The following NKAIN3 variants were observed in gnomAD, a reference collection of about 807,000 sequenced individuals.
NKAIN3 encodes the protein sodium/potassium-transporting ATPase subunit beta-1-interacting protein 3.
In NKAIN3, 25 loss-of-function variants were observed where a neutral mutation model predicts 30.2. The observed-to-expected ratio is 0.83, with a 90% CI of 0.60 to 1.16. The LOEUF (loss-of-function observed/expected upper bound fraction) is 1.16. NKAIN3 is among the 50% of genes most tolerant of loss of function. NKAIN3 has a pLI of 0.00. For missense variants in NKAIN3, 225 were observed against 254.1 expected (o/e 0.89, Z 0.78); for synonymous variants, 91 against 89.6 (o/e 1.02, Z -0.09).
chr8:62,782,971 G>C (rs998237851), intron 4 of NKAIN3, among the ~76,000 whole-genome samples: 4 of 151,840 alleles, frequency 2.6e-5, no homozygotes, highest in African/African-American at 7.3e-5. Flanking sequence ...ACATAGAAAT[G>C]ATACTCAAGG....
chr8:62,698,342 A>G (rs1814228332), intron 3 of NKAIN3, among the ~76,000 whole-genome samples: 1 of 152,198 alleles, frequency 6.6e-6, no homozygotes, highest in South Asian at 2.1e-4. Flanking sequence ...GAAGCATGAT[A>G]GACTTTGAAC....
rs572058252 is a variant in NKAIN3 at position 62,533,434 on chromosome 8, T to C, written c.55-46105T>C. ...AAGGAAGTCTCCTAAATGTATAGTT[T>C]CGCCTGAAGCGGGCTTAGCCCCATG... is the stretch of plus-strand genomic sequence containing the variant. On this transcript the variant is annotated intron_variant, in intron 1 of 6. Transcript: ENST00000623646. 2.6e-5 allele frequency among the ~76,000 whole-genome samples: 4 copies of C among 152,330 alleles called. No individual in the cohort carries two copies. In the East Asian group the frequency reaches 7.7e-4, roughly 29 times the overall value.
intron 4 of NKAIN3, among the ~76,000 whole-genome samples, chr8:62,829,449 G>A (rs765440066): frequency 2.6e-5 from 4 of 152,034 alleles, no homozygotes; most frequent in African/African-American, 9.7e-5. Flanking sequence ...GAAACTTAGT[G>A]AAGAAAAAAA....
At chr8:62,498,517 C>T (rs1034320111) in intron 1 of NKAIN3, among the ~76,000 whole-genome samples, 17 of 151,772 alleles carry the variant, frequency 1.1e-4, no homozygotes, top group African/African-American at 2.7e-4. Context: ...CGCATGTTTT[C>T]GGCCTCTGCT....
chr8:62,838,331 C>T (rs1586253284), intron 4 of NKAIN3, among the ~76,000 whole-genome samples: 1 of 151,414 alleles, frequency 6.6e-6, no homozygotes, highest in East Asian at 1.9e-4. Context: ...TATATATATA[C>T]ACACACACAT....
rs186669719 is a variant in NKAIN3, at chr8:62,503,239, G to A, written c.55-76300G>A. ...GCCACCAGGGGTGACATCACATATC[G>A]GTAGGTCCGTGATGCCCACCTGAGC... On this transcript the variant is annotated intron_variant, in intron 1 of 6. Coordinates refer to ENST00000623646, the MANE Select transcript of NKAIN3 (RefSeq NM_001304533.3). Among the ~76,000 whole-genome samples the A allele has an allele frequency of 3.4e-3, 525 of 152,244 alleles. 3 individuals carry two copies. The highest frequency in any genetic ancestry group is 0.012 in the African/African-American group (505 of 41,544).
intron 1 of NKAIN3, among the ~76,000 whole-genome samples, chr8:62,490,632 A>G (rs904772012): frequency 9.9e-5 from 15 of 152,196 alleles, no homozygotes; most frequent in African/African-American, 3.1e-4. Flanking sequence ...ATGTTTACTT[A>G]CAAGAAAACA....
chr8:62,906,094 C>T (rs895983492), intron 4 of NKAIN3, among the ~76,000 whole-genome samples: 1 of 152,104 alleles, frequency 6.6e-6, no homozygotes, highest in African/African-American at 2.4e-5. Context: ...CACAAGTGTG[C>T]GAGCATCCAT....
chr8:62,805,207 G>A (rs1178728223), intron 4 of NKAIN3, among the ~76,000 whole-genome samples: 17 of 151,858 alleles, frequency 1.1e-4, no homozygotes, highest in Middle Eastern at 3.4e-3. Context: ...AATCAATATC[G>A]TGAAAATGGC....
chr8:62,558,522 G>A (rs1471990908), intron 1 of NKAIN3, among the ~76,000 whole-genome samples: 1 of 152,014 alleles, frequency 6.6e-6, no homozygotes, highest in Non-Finnish European at 1.5e-5. Flanking sequence ...TCACAATATT[G>A]AGTCTACCCA....
Position 62,508,980 on chromosome 8 carries a change from T to C in NKAIN3, c.55-70559T>C, listed in dbSNP as rs143512733. On this transcript the variant is annotated intron_variant, in intron 1 of 6. Coordinates refer to ENST00000623646, the MANE Select transcript of NKAIN3 (RefSeq NM_001304533.3). ...AGTGACTTCTCTACGTAGTCATCTA[T>C]GGTTTCCCCAGTATGCATGGCTCTG... 5.0e-3 allele frequency among the ~76,000 whole-genome samples: 768 copies of C among 152,296 alleles called. 5 individuals carry two copies. Among genetic ancestry groups the C allele is most frequent in the African/African-American group, 0.017 (690 of 41,578 alleles).
At chr8:62,751,103 C>G (rs143262295) in intron 4 of NKAIN3, among the ~76,000 whole-genome samples, 4 of 152,128 alleles carry the variant, frequency 2.6e-5, no homozygotes, top group Non-Finnish European at 5.9e-5. Context: ...GGGAGGCCCT[C>G]GTGACCTGCG....
chr8:62,305,896 G>A (rs1814221944), intron 1 of NKAIN3, among the ~76,000 whole-genome samples: 2 of 150,446 alleles, frequency 1.3e-5, no homozygotes, highest in Admixed American at 1.3e-4. Context: ...GCTGTTCAAT[G>A]TTCCAAGCCA....
At chr8:62,866,095 G>C (rs1440060230) in intron 4 of NKAIN3, among the ~76,000 whole-genome samples, 1 of 152,052 alleles carries the variant, frequency 6.6e-6, no homozygotes, top group Non-Finnish European at 1.5e-5. Flanking sequence ...ATTTTTAAAA[G>C]TATTTTTAAA....
chr8:62,470,217 A>C (rs1444663918), intron 1 of NKAIN3, among the ~76,000 whole-genome samples: 2 of 152,142 alleles, frequency 1.3e-5, no homozygotes, highest in Admixed American at 1.3e-4. Context: ...AAAGTAATTT[A>C]CTGTCGTCTA....
chr8:62,681,761 G>T (rs1813651528), intron 3 of NKAIN3, among the ~76,000 whole-genome samples: 1 of 152,104 alleles, frequency 6.6e-6, no homozygotes, highest in African/African-American at 2.4e-5. Flanking sequence ...TAACATACTT[G>T]AATATTGGTC....
chr8:62,671,782 C>T (rs1470840375), intron 3 of NKAIN3, among the ~76,000 whole-genome samples: 1 of 151,872 alleles, frequency 6.6e-6, no homozygotes, highest in Non-Finnish European at 1.5e-5. Context: ...TTTCCTCCTT[C>T]TATGGTATGT....
intron 4 of NKAIN3, among the ~76,000 whole-genome samples, chr8:62,851,096 T>C (rs1389104550): frequency 2.0e-5 from 3 of 152,080 alleles, no homozygotes; most frequent in Admixed American, 2.0e-4. Flanking sequence ...GAGCATGGAA[T>C]GTTCTTCCAT....
intron 5 of NKAIN3, chr8:62,990,791 G>C (rs1307192994): frequency 1.3e-5 from 2 of 152,128 alleles, no homozygotes; most frequent in African/African-American, 4.8e-5. Flanking sequence ...GGACCAACTA[G>C]ACCTTTTCTC....
Sources: allele counts gnomAD v4.1 joint callset (sites outside exome capture counted in the v4.1 genomes callset), GRCh38; gene constraint gnomAD v4.1.1; transcripts MANE v1.5; gene names NCBI Gene and HGNC (gene_info 2026-07-23, HGNC 2026-07-21).